Variants in MYRF observed in about 807,000 individuals in gnomAD.
The protein encoded by MYRF is myelin gene regulatory factor.
Under a neutral mutation model 126.3 loss-of-function variants are expected in MYRF, and 16 were observed. The ratio of observed to expected loss-of-function variants is 0.13; its 90% CI spans 0.09 to 0.19. The LOEUF is 0.19. Ranked by LOEUF, MYRF falls within the 10% of genes least tolerant of loss-of-function variation. MYRF has a pLI of 1.00. For synonymous variants in MYRF, 608 were observed against 635.3 expected (o/e 0.96, Z 0.65); for missense variants, 1,104 against 1,547.0 (o/e 0.71, Z 4.80).
chr11:61,769,997 C>T (rs1053205535), intron 4 of MYRF, among the ~76,000 whole-genome samples: 6 of 151,972 alleles, frequency 3.9e-5, no homozygotes, highest in Non-Finnish European at 8.8e-5. Flanking sequence ...TTCTCCTGGT[C>T]CAGCCTGGGG....
rs938458220 is a variant in MYRF, at chr11:61,786,679, G to A, written c.*536G>A. ...GTTCCCTGGGGGATGGCTTGGTAGT[G>A]GACTTTCTGGGGTTTGCCTGTTACG... On this transcript the variant is annotated 3_prime_UTR_variant, in exon 27 of 27. Coordinates refer to ENST00000278836, the MANE Select transcript of MYRF (RefSeq NM_001127392.3). The surrounding 1 kb of genome is among the most constrained non-coding windows in gnomAD (Gnocchi z 4.5). 2.6e-5 allele frequency: 4 copies of A among 154,830 alleles called. No homozygotes were observed. The highest frequency in any genetic ancestry group is 9.6e-5 in the African/African-American group (4 of 41,468). 9.6% of individuals were successfully genotyped at this position (154,830 alleles called of 1,614,324 possible).
At position 61,778,503 on chromosome 11, in the gene MYRF, G is replaced by A; in HGVS notation, c.2013+14G>A. 6.3e-7 allele frequency: 1 copy of A among 1,584,846 alleles called. No homozygotes were observed. The highest frequency in any genetic ancestry group is 8.7e-7 in the Non-Finnish European group (1 of 1,153,402). On this transcript the variant is annotated intron_variant, in intron 14 of 26. Coordinates refer to ENST00000278836, the MANE Select transcript of MYRF (RefSeq NM_001127392.3). This position sits in a 1 kb window ranked among gnomAD's most constrained non-coding sequence, Gnocchi z 4.6. ...GTGGTGAACAAGGTCTGTGGGTGGGGGAATGGGAGGGAGCCCAGAGGCAAG... is the reference window on the plus strand; with the variant it reads ...GTGGTGAACAAGGTCTGTGGGTGGGAGAATGGGAGGGAGCCCAGAGGCAAG...
At chr11:61,785,692 C>T in intron 25 of MYRF, 108 bp from the exon 26 acceptor site, 4 of 843,904 alleles carry the variant, frequency 4.7e-6, no homozygotes, top group Admixed American at 2.3e-5. Flanking sequence ...CTGCTTTTTT[C>T]CTTCATAAAA....
rs1335728562 is a variant in MYRF, at chr11:61,786,236, C to T, written c.*93C>T. The T allele has an allele frequency of 2.5e-6, 3 of 1,197,496 alleles. No individual in the cohort carries two copies. The highest frequency in any genetic ancestry group is 3.0e-5 in the African/African-American group (2 of 66,066). The allele number at this position is 1,197,496 out of a possible 1,614,324, so 74.2% of individuals were successfully genotyped here. ...AATGGTGTTACACTGGAGCCCGCTG[C>T]AGGCCAGCTCTGCTGTTCACTGGCC... On this transcript the variant is annotated 3_prime_UTR_variant, in exon 27 of 27. Transcript: ENST00000278836. The surrounding 1 kb of genome is among the most constrained non-coding windows in gnomAD (Gnocchi z 4.5).
chr11:61,776,239 G>A lies in MYRF; in HGVS notation c.1389-83G>A, dbSNP rs1459366455. The A allele has an allele frequency of 1.5e-5, 23 of 1,563,976 alleles. No homozygotes were observed. The highest frequency in any genetic ancestry group is 3.4e-5 in the Admixed American group (2 of 58,030). ...TACCCAGGGTGTCCGCCTCATGTACGTTGCTGGCCTGGGTGCCCCTCAGTG... is the reference window on the plus strand; with the variant it reads ...TACCCAGGGTGTCCGCCTCATGTACATTGCTGGCCTGGGTGCCCCTCAGTG... On this transcript the variant is annotated intron_variant, in intron 9 of 26. Transcript: ENST00000278836. This position sits in a 1 kb window ranked among gnomAD's most constrained non-coding sequence, Gnocchi z 4.3.
intron 3 of MYRF, chr11:61,766,792 C>A (rs1214459025): frequency 3.0e-6 from 1 of 333,376 alleles, no homozygotes; most frequent in South Asian, 2.5e-5. Context: ...GGCAGCCACC[C>A]GGCCAGCCAG....
chr11:61,768,613 A>AT (rs1001915950), intron 3 of MYRF: 1 of 152,240 alleles, frequency 6.6e-6, no homozygotes, highest in African/African-American at 2.4e-5. Context: ...GGGCATGGGA[A>AT]TGGGGAGTTG....
At chr11:61,769,198 G>C in intron 3 of MYRF, 62 bp from the exon 4 acceptor site, 1 of 990,682 alleles carries the variant, frequency 1.0e-6, no homozygotes, top group South Asian at 1.4e-5. Flanking sequence ...CAGAGAAGCT[G>C]CCCAGCTGGA....
At position 61,783,286 on chromosome 11, in the gene MYRF, A is replaced by T. The variant is rs749423497; in HGVS notation, c.3017-212A>T. The T allele has an allele frequency of 2.2e-5, 10 of 453,518 alleles. No homozygotes were observed. Among genetic ancestry groups the T allele is most frequent in the Non-Finnish European group, 4.0e-5 (10 of 249,194 alleles). The allele number at this position is 453,518 out of a possible 1,614,324, so 28.1% of individuals were successfully genotyped here. ...ACTTCTGGGTGTTCCAGTTCTTTTGAGGAGGCAGACGTCAGGCTCATGGGA... is the reference window on the plus strand; with the variant it reads ...ACTTCTGGGTGTTCCAGTTCTTTTGTGGAGGCAGACGTCAGGCTCATGGGA... On this transcript the variant is annotated intron_variant, in intron 22 of 26. Transcript: ENST00000278836. The surrounding 1 kb of genome is among the most constrained non-coding windows in gnomAD (Gnocchi z 4.6).
intron 3 of MYRF, among the ~76,000 whole-genome samples, chr11:61,768,143 G>GA (rs952330691): frequency 6.6e-6 from 1 of 150,626 alleles, no homozygotes. Context: ...AGAAAGAAAA[G>GA]AAAAAAAACA....
chr11:61,765,836 C>G (rs961216972), intron 2 of MYRF, 122 bp from the exon 3 acceptor site: 2 of 1,422,106 alleles, frequency 1.4e-6, no homozygotes, highest in Non-Finnish European at 9.5e-7. Flanking sequence ...AAAGCTGCTC[C>G]TCGTCCCTTC....
intron 3 of MYRF, chr11:61,766,861 C>T (rs2135753049): frequency 5.4e-6 from 2 of 373,412 alleles, no homozygotes; most frequent in South Asian, 4.0e-5. Context: ...CATGGGTCTG[C>T]AGGGGAGCTC....
chr11:61,784,377 G>C lies in MYRF; in HGVS notation c.3292G>C (p.Asp1098His). The change falls in exon 25 of 27, where the codon GAC becomes CAC. Residue 1098 changes from aspartate to histidine, a missense_variant. Around this residue, in one of 10 missense-constraint regions of MYRF, gnomAD observed 94 missense variants for 164.6 expected, o/e 0.57. Transcript: ENST00000278836. ...TCCACAGAGTCTCCACACCCACCAG[G>C]ACACCCAGGTAGGTGGGACTGGGAA... ...SLPQSLHTHQ[D>H]TQGTSHRWPI... 1.9e-6 allele frequency: 3 copies of C among 1,613,472 alleles called. No individual in the cohort carries two copies. The highest frequency in any genetic ancestry group is 1.1e-5 in the South Asian group (1 of 91,028).
Position 61,780,275 on chromosome 11 carries a change from T to C in MYRF, c.2390T>C (p.Leu797Pro), listed in dbSNP as rs1385652637. The change falls in exon 18 of 27, where the codon CTG becomes CCG. Residue 797 changes from leucine (L) to proline (P), a missense_variant. By Grantham distance (98) the Leu-to-Pro change is moderately conservative (BLOSUM62 -3). Around this residue, in one of 10 missense-constraint regions of MYRF, gnomAD observed 323 missense variants for 383.1 expected, o/e 0.84. Transcript: ENST00000278836. ...YVLSLRTEED[L>P]VDTDGSFAVS... The stretch of plus-strand genomic sequence containing the variant: ...CTGAGCCTGCGCACAGAGGAGGACC[T>C]GGTAGACACTGATGGGTAGGTTCCT... 1.2e-6 allele frequency: 2 copies of C among 1,613,114 alleles called. No homozygotes were observed. The highest frequency in any genetic ancestry group is 8.5e-7 in the Non-Finnish European group (1 of 1,179,552).
At chr11:61,753,263 C>A (rs1043992273) in intron 1 of MYRF, among the ~76,000 whole-genome samples, 1 of 151,862 alleles carries the variant, frequency 6.6e-6, no homozygotes, top group Admixed American at 6.6e-5. Flanking sequence ...ATCTGTGACC[C>A]CCGCCTAGAG....
rs534400107 is a variant in MYRF at position 61,779,228 on chromosome 11, TTGGCCCATGGCCCATGGCCCA to T, written c.2014-23_2014-3del. 86 of 1,527,416 alleles carry T rather than the reference TTGGCCCATGGCCCATGGCCCA, an allele frequency of 5.6e-5. No individual in the cohort carries two copies. Among genetic ancestry groups the T allele is most frequent in the South Asian group, 4.3e-4 (36 of 83,372 alleles). The allele number at this position is 1,527,416 out of a possible 1,614,324, so 94.6% of individuals were successfully genotyped here. A position where few individuals can be genotyped will look rare whatever the true frequency, so the allele number is the denominator to read the frequency against. ...CCCGGGGCTGACTGGGCCCTCTGTG[TTGGCCCATGGCCCATGGCCCA>T]TGGCCCATGGCAGGAGCGCATCTTC... On this transcript the variant is annotated splice_polypyrimidine_tract_variant and intron_variant, in intron 14 of 26. Coordinates refer to ENST00000278836, the MANE Select transcript of MYRF (RefSeq NM_001127392.3).
At position 61,778,785 on chromosome 11, in the gene MYRF, A is replaced by G. The variant is rs942034731; in HGVS notation, c.2013+296A>G. On this transcript the variant is annotated intron_variant, in intron 14 of 26. Coordinates refer to ENST00000278836, the MANE Select transcript of MYRF (RefSeq NM_001127392.3). This position sits in a 1 kb window ranked among gnomAD's most constrained non-coding sequence, Gnocchi z 4.6. ...TGAGGGCGGTAATAGAACTGCACAG[A>G]CATCCTCGTATGGTTACCTCCAGGC... The G allele has an allele frequency of 1.2e-5, 7 of 587,202 alleles. No homozygotes were observed. Among genetic ancestry groups the G allele is most frequent in the Non-Finnish European group, 2.2e-5 (7 of 311,674 alleles). The allele number at this position is 587,202 out of a possible 1,614,324, so 36.4% of individuals were successfully genotyped here. A position where few individuals can be genotyped will look rare whatever the true frequency, so the allele number is the denominator to read the frequency against.
In MYRF at chr11:61,780,147, C is replaced by A. The variant is rs759573721; in HGVS notation, c.2337-75C>A. 1.1e-5 allele frequency: 17 copies of A among 1,544,788 alleles called. No individual in the cohort carries two copies. The South Asian group carries it at 1.9e-4, about 18-fold the overall frequency. ...GGGAGCCCAGCCTCAGGAGCAAGGA[C>A]CACAGCCTTGTCCTAGAGAGAGGGC... On this transcript the variant is annotated intron_variant, in intron 17 of 26. Transcript: ENST00000278836.
At position 61,778,501 on chromosome 11, in the gene MYRF, G is replaced by A. The variant is rs141597490; in HGVS notation, c.2013+12G>A. 1.3e-6 allele frequency: 2 copies of A among 1,599,666 alleles called. No individual in the cohort carries two copies. Among genetic ancestry groups the A allele is most frequent in the Non-Finnish European group, 1.7e-6 (2 of 1,167,098 alleles). ...TGGTGGTGAACAAGGTCTGTGGGTG[G>A]GGGAATGGGAGGGAGCCCAGAGGCA... is the stretch of plus-strand genomic sequence containing the variant. On this transcript the variant is annotated intron_variant, in intron 14 of 26. Coordinates refer to ENST00000278836, the MANE Select transcript of MYRF (RefSeq NM_001127392.3). This position sits in a 1 kb window ranked among gnomAD's most constrained non-coding sequence, Gnocchi z 4.6.
Sources: gnomAD v4.1 joint callset for allele counts (sites outside exome capture counted in the v4.1 genomes callset) on GRCh38, gnomAD v4.1.1 for gene constraint, gnomAD v4.1.1 regional missense constraint, Gnocchi (gnomAD v3.1) non-coding constraint, MANE v1.5 for transcripts, NCBI Gene and HGNC (gene_info 2026-07-23, HGNC 2026-07-21) for gene names.